The following ANO5 variants were observed in gnomAD, a reference collection of about 807,000 sequenced individuals.
ANO5 encodes anoctamin-5.
A neutral mutation model predicts 121.0 loss-of-function variants in ANO5; 109 were observed. The observed-to-expected ratio is 0.90, with a 90% CI of 0.77 to 1.06. The LOEUF is 1.06. Among genes scored for constraint, ANO5 ranks in the 50% least tolerant of loss-of-function variants. The probability of loss-of-function intolerance (pLI) is 0.00; values close to 1 mark genes in which losing one functional copy is unlikely to be tolerated. For missense variants in ANO5, 1,064 were observed against 1,078.5 expected (o/e 0.99, Z 0.19); for synonymous variants, 406 against 359.9 (o/e 1.13, Z -1.45).
intron 12 of ANO5, among the ~76,000 whole-genome samples, chr11:22,254,840 C>A (rs73481685): frequency 0.054 from 8,268 of 151,890 alleles, 763 homozygotes; most frequent in African/African-American, 0.19. Context: ...TCAAGACCAG[C>A]CTGGGTGACA....
chr11:22,237,771 C>A (rs557186026), intron 8 of ANO5, among the ~76,000 whole-genome samples: 2 of 152,064 alleles, frequency 1.3e-5, no homozygotes, highest in East Asian at 3.9e-4. Flanking sequence ...ATTAGAAAAA[C>A]CAAACAGCCT....
At chr11:22,215,625 G>T (rs1028859919) in intron 3 of ANO5, among the ~76,000 whole-genome samples, 1 of 151,764 alleles carries the variant, frequency 6.6e-6, no homozygotes, top group African/African-American at 2.4e-5. Context: ...GAAGTCTTTC[G>T]CATCTCAACA....
chr11:22,204,722 G>A (rs182529920), intron 2 of ANO5, among the ~76,000 whole-genome samples: 14 of 152,194 alleles, frequency 9.2e-5, no homozygotes, highest in Middle Eastern at 6.8e-3. Context: ...CTGTGGAGAA[G>A]AAGGAATGCT....
intron 9 of ANO5, among the ~76,000 whole-genome samples, chr11:22,240,611 A>T (rs560702920): frequency 2.0e-5 from 3 of 152,216 alleles, no homozygotes; most frequent in African/African-American, 7.2e-5. Context: ...GGCTATTTTA[A>T]CTGTTTTGAA....
chr11:22,230,034 A>T (rs978408709), intron 7 of ANO5, among the ~76,000 whole-genome samples: 1 of 151,970 alleles, frequency 6.6e-6, no homozygotes, highest in East Asian at 1.9e-4. Context: ...ATAATATATA[A>T]CCCATATATG....
chr11:22,193,462 A>G lies in ANO5; in HGVS notation c.-31A>G, dbSNP rs1369591131. 6.2e-7 allele frequency: 1 copy of G among 1,606,452 alleles called. No individual in the cohort carries two copies. ...AGCTGCCCCTCTCCTGCTGCCTCTC[A>G]GGCACCAGTGCCATTAACGAGCTGG... is the stretch of plus-strand genomic sequence containing the variant. On this transcript the variant is annotated 5_prime_UTR_variant, in exon 1 of 22. Transcript: ENST00000324559.
chr11:22,232,206 A>G (rs1476924695), intron 7 of ANO5, among the ~76,000 whole-genome samples: 1 of 151,982 alleles, frequency 6.6e-6, no homozygotes, highest in Non-Finnish European at 1.5e-5. Flanking sequence ...ACTTTTGTTC[A>G]TTCATTCTTT....
chr11:22,265,166 G>A (rs1854319101), intron 17 of ANO5, among the ~76,000 whole-genome samples: 1 of 152,026 alleles, frequency 6.6e-6, no homozygotes, highest in Non-Finnish European at 1.5e-5. Context: ...ATTCATTATG[G>A]TGAAACTACA....
At chr11:22,237,713 A>G (rs1357046316) in intron 8 of ANO5, among the ~76,000 whole-genome samples, 3 of 152,168 alleles carry the variant, frequency 2.0e-5, no homozygotes, top group Non-Finnish European at 4.4e-5. Flanking sequence ...GAAATTTTCC[A>G]AAATGAGTCG....
chr11:22,262,291 G>T lies in ANO5; in HGVS notation c.1793G>T (p.Ser598Ile), dbSNP rs1362469684. 6.2e-7 allele frequency: 1 copy of T among 1,613,514 alleles called. No individual in the cohort carries two copies. The highest frequency in any genetic ancestry group is 1.3e-5 in the African/African-American group (1 of 74,912). The change falls in exon 16 of 22, where the codon AGT becomes ATT. Residue 598 changes from serine to isoleucine, a missense_variant. By Grantham distance (142) the Ser-to-Ile change is moderately radical (BLOSUM62 -2). Coordinates refer to ENST00000324559, the MANE Select transcript of ANO5 (RefSeq NM_213599.3). Reference protein sequence around the residue: ...KYTYLFNEWRSEECDPGGCLI... With the variant: ...KYTYLFNEWRIEECDPGGCLI... The stretch of plus-strand genomic sequence containing the variant: ...ACATATTTATTTAATGAGTGGAGAA[G>T]TGAAGAGGTAAGAATTTCCTTGAGA...
chr11:22,238,635 C>T (rs1853318650), intron 8 of ANO5, among the ~76,000 whole-genome samples: 1 of 151,872 alleles, frequency 6.6e-6, no homozygotes, highest in South Asian at 2.1e-4. Context: ...AGTTGGATTA[C>T]CTACAGAAGA....
At chr11:22,233,873 AC>A (rs1853125778) in intron 7 of ANO5, among the ~76,000 whole-genome samples, 1 of 151,930 alleles carries the variant, frequency 6.6e-6, no homozygotes, top group Non-Finnish European at 1.5e-5. Context: ...CCCCCAAAAA[AC>A]TGTTGCCATG....
At chr11:22,192,788 G>T (rs1406004604), upstream of ANO5, among the ~76,000 whole-genome samples, 1 of 152,210 alleles carries the variant, frequency 6.6e-6, no homozygotes, top group Non-Finnish European at 1.5e-5. Context: ...GGAAAAGGAC[G>T]TGCGAAGCCT....
At chr11:22,273,161 C>T (rs1854691800) in intron 19 of ANO5, among the ~76,000 whole-genome samples, 172 bp downstream of exon 19, 1 of 152,052 alleles carries the variant, frequency 6.6e-6, no homozygotes, top group Non-Finnish European at 1.5e-5. Flanking sequence ...GTCATGCAAA[C>T]TCTTAGAAAT....
chr11:22,241,945 G>T (rs1417996656), intron 9 of ANO5, among the ~76,000 whole-genome samples: 1 of 152,022 alleles, frequency 6.6e-6, no homozygotes, highest in Non-Finnish European at 1.5e-5. Context: ...TGGTGACTTA[G>T]CCAAAAATTA....
chr11:22,200,648 G>C (rs1851938680), intron 1 of ANO5, among the ~76,000 whole-genome samples: 3 of 152,236 alleles, frequency 2.0e-5, no homozygotes, highest in South Asian at 2.1e-4. Context: ...TGATTCACAT[G>C]ATGGCACCAG....
chr11:22,210,676 G>A (rs1365079032), intron 2 of ANO5, among the ~76,000 whole-genome samples: 16 of 151,872 alleles, frequency 1.1e-4, no homozygotes, highest in Non-Finnish European at 4.4e-5. Flanking sequence ...CATATACAGA[G>A]GGAGGCATCC....
chr11:22,250,448 T>C, intron 10 of ANO5, 77 bp downstream of exon 10: 1 of 1,570,144 alleles, frequency 6.4e-7, no homozygotes. Context: ...ATTATTTCCC[T>C]GGCATTTCCT....
intron 1 of ANO5, among the ~76,000 whole-genome samples, chr11:22,197,323 A>G (rs1446399370): frequency 6.6e-6 from 1 of 151,130 alleles, no homozygotes; most frequent in South Asian, 2.1e-4. Flanking sequence ...AAACATTGCC[A>G]GTAAAATGTC....
Sources: gnomAD v4.1 joint callset for allele counts (sites outside exome capture counted in the v4.1 genomes callset) on GRCh38, gnomAD v4.1.1 for gene constraint, MANE v1.5 for transcripts, NCBI Gene and HGNC (gene_info 2026-07-23, HGNC 2026-07-21) for gene names.